The following ABCA13 variants were observed in gnomAD, a reference collection of about 807,000 sequenced individuals.
The protein encoded by ABCA13 is ATP-binding cassette sub-family A member 13.
A neutral mutation model predicts 478.7 loss-of-function variants in ABCA13; 476 were observed. The ratio of observed to expected loss-of-function variants is 0.99; its 90% confidence interval spans 0.92 to 1.07. The LOEUF (loss-of-function observed/expected upper bound fraction) is 1.07. ABCA13 is among the 50% of genes least tolerant of loss of function. ABCA13 has a pLI of 0.00. For synonymous variants in ABCA13, 2,252 were observed against 2,158.9 expected, an observed-to-expected ratio of 1.04 and a Z score of -1.20; for missense variants, 6,060 against 5,910.6, an observed-to-expected ratio of 1.03 and a Z score of -0.83.
chr7:48,511,277 G>A, intron 51 of ABCA13, 78 bp downstream of exon 51: 1 of 1,149,854 alleles, frequency 8.7e-7, no homozygotes, highest in Non-Finnish European at 1.2e-6. Context: ...CTTTGAACCT[G>A]CTGTCGACTT....
At chr7:48,445,804 G>A (rs890348748) in intron 42 of ABCA13, among the ~76,000 whole-genome samples, 11 of 152,086 alleles carry the variant, frequency 7.2e-5, no homozygotes, top group Admixed American at 1.3e-4. Flanking sequence ...TTCTGGCAGG[G>A]AATGCAGTGT....
chr7:48,384,048 T>C (rs564298285), intron 35 of ABCA13, among the ~76,000 whole-genome samples: 1 of 152,334 alleles, frequency 6.6e-6, no homozygotes, highest in East Asian at 1.9e-4. Context: ...TGTCATTGTG[T>C]CATCTAGAAT....
At chr7:48,545,172 C>T (rs552123714) in intron 55 of ABCA13, among the ~76,000 whole-genome samples, 1 of 151,824 alleles carries the variant, frequency 6.6e-6, no homozygotes, top group Non-Finnish European at 1.5e-5. Context: ...AGAGCTATGA[C>T]TGCAGCTCTG....
At chr7:48,255,928 A>C (rs761325481) in intron 15 of ABCA13, among the ~76,000 whole-genome samples, 2 of 152,114 alleles carry the variant, frequency 1.3e-5, no homozygotes, top group Admixed American at 6.5e-5. Context: ...TCCCTCTAAC[A>C]GTGTGTAAGT....
intron 55 of ABCA13, among the ~76,000 whole-genome samples, chr7:48,551,068 A>T (rs1336088133): frequency 6.6e-6 from 1 of 151,734 alleles, no homozygotes; most frequent in Admixed American, 6.6e-5. Flanking sequence ...TTAAATATTG[A>T]TGTATTTTTC....
chr7:48,331,266 G>T (rs1252399764), intron 27 of ABCA13, among the ~76,000 whole-genome samples: 1 of 152,150 alleles, frequency 6.6e-6, no homozygotes, highest in Non-Finnish European at 1.5e-5. Flanking sequence ...GTGTATAAAT[G>T]AAACCAAAGC....
chr7:48,345,612 T>A (rs564718159), intron 29 of ABCA13, among the ~76,000 whole-genome samples: 2 of 152,164 alleles, frequency 1.3e-5, no homozygotes, highest in Non-Finnish European at 2.9e-5. Flanking sequence ...AGCTGTACAA[T>A]GTGTTTTGTA....
intron 29 of ABCA13, among the ~76,000 whole-genome samples, chr7:48,345,055 A>T (rs1364975148): frequency 2.0e-5 from 3 of 152,174 alleles, no homozygotes; most frequent in African/African-American, 7.2e-5. Context: ...TGATGTTCCT[A>T]TAAGGTCATA....
At chr7:48,176,196 G>A (rs1794852749) in intron 1 of ABCA13, among the ~76,000 whole-genome samples, 5 of 152,148 alleles carry the variant, frequency 3.3e-5, no homozygotes, top group Admixed American at 2.6e-4. Context: ...CAACTGGACA[G>A]GACTCTGATC....
At chr7:48,265,122 TG>T (rs1794704245) in intron 15 of ABCA13, among the ~76,000 whole-genome samples, 1 of 151,774 alleles carries the variant, frequency 6.6e-6, no homozygotes, top group African/African-American at 2.4e-5. Context: ...TTCTGAACTC[TG>T]TATTTTATCC....
rs1187856204 is a variant in ABCA13, at chr7:48,245,922, G to A, written c.1551G>A (p.Leu517=). 3 of 1,613,142 alleles carry A rather than the reference G, an allele frequency of 1.9e-6. No homozygotes were observed. Among genetic ancestry groups the A allele is most frequent in the Admixed American group, 1.7e-5 (1 of 59,848 alleles). The stretch of plus-strand genomic sequence containing the variant: ...GTTTCTCTGAGAAGGAGGTCTTTTT[G>A]CCGCCTGGAAACTCCAGCATATGGG... ...NGRFSEKEVF[L]PPGNSSIWGG... is the part of the protein sequence containing the mutation. Residue 517 remains leucine, a synonymous_variant, in exon 13 of 62, where the codon TTG becomes TTA. Transcript: ENST00000435803.
At chr7:48,288,227 G>T in intron 20 of ABCA13, 149 bp downstream of exon 20, 1 of 734,992 alleles carries the variant, frequency 1.4e-6, no homozygotes, top group Admixed American at 2.4e-5. Flanking sequence ...CTTGCAGAAT[G>T]ACTGCTCACC....
In ABCA13 at chr7:48,248,497, T is replaced by G. The variant is rs139895284; in HGVS notation, c.1865+53T>G. 3.8e-4 allele frequency: 523 copies of G among 1,374,616 alleles called. 4 individuals carry two copies. The African/African-American group carries it at 7.0e-3, about 18-fold the overall frequency. 85.2% of individuals were successfully genotyped at this position (1,374,616 alleles called of 1,614,324 possible). The stretch of plus-strand genomic sequence containing the variant: ...TAAACAATTGGGACATCAGAATGAT[T>G]TCAACTGCCCCTTCTACACAAATGA... On this transcript the variant is annotated intron_variant, in intron 14 of 61. Coordinates refer to ENST00000435803, the MANE Select transcript of ABCA13 (RefSeq NM_152701.5).
chr7:48,413,850 T>C (rs1306450328), intron 41 of ABCA13, among the ~76,000 whole-genome samples: 1 of 152,232 alleles, frequency 6.6e-6, no homozygotes, highest in Non-Finnish European at 1.5e-5. Context: ...TAACTTATTA[T>C]TCCTATTTTA....
intron 3 of ABCA13, among the ~76,000 whole-genome samples, chr7:48,199,942 A>G (rs576978162): frequency 6.6e-6 from 1 of 152,320 alleles, no homozygotes; most frequent in South Asian, 2.1e-4. Flanking sequence ...CTGTTTACTC[A>G]CTTCAAGTGT....
At chr7:48,340,682 G>A (rs536743546) in intron 29 of ABCA13, among the ~76,000 whole-genome samples, 7 of 152,302 alleles carry the variant, frequency 4.6e-5, no homozygotes, top group African/African-American at 1.7e-4. Flanking sequence ...TGGTGCTAGT[G>A]TTAATGCAGA....
At chr7:48,558,792 G>T (rs575481529) in intron 55 of ABCA13, among the ~76,000 whole-genome samples, 13 of 152,256 alleles carry the variant, frequency 8.5e-5, no homozygotes, top group Admixed American at 2.0e-4. Context: ...GATTGATCCT[G>T]CCTTAGCTCA....
intron 42 of ABCA13, among the ~76,000 whole-genome samples, chr7:48,442,222 T>C (rs1320224664): frequency 6.6e-6 from 1 of 152,214 alleles, no homozygotes; most frequent in Non-Finnish European, 1.5e-5. Context: ...ACTTCCCCAG[T>C]TGTATTATGA....
intron 29 of ABCA13, among the ~76,000 whole-genome samples, chr7:48,347,887 CACATTAT>C (rs1808352427): frequency 6.6e-6 from 1 of 152,302 alleles, no homozygotes; most frequent in East Asian, 1.9e-4. Context: ...AAGCATGTTA[CACATTAT>C]TCTACTTCAT....
Sources: gnomAD v4.1 joint callset for allele counts (sites outside exome capture counted in the v4.1 genomes callset) on GRCh38, gnomAD v4.1.1 for gene constraint, MANE v1.5 for transcripts, NCBI Gene and HGNC (gene_info 2026-07-23, HGNC 2026-07-21) for gene names.